The following ITGAL variants were observed in gnomAD, a reference collection of about 807,000 sequenced individuals.
ITGAL encodes the protein integrin alpha-L.
ITGAL carries 68 observed loss-of-function variants against 138.4 expected under a neutral mutation model. That is an observed-to-expected ratio of 0.49 (90% CI 0.40 to 0.60). The LOEUF is 0.60. Ranked by LOEUF, ITGAL falls within the 20% of genes least tolerant of loss-of-function variation. The pLI is 0.00. For missense variants in ITGAL, 1,256 were observed against 1,478.6 expected, an observed-to-expected ratio of 0.85 and a Z score of 2.47; for synonymous variants, 561 against 584.3, an observed-to-expected ratio of 0.96 and a Z score of 0.57.
At chr16:30,501,577 CAA>C (rs56687910) in intron 17 of ITGAL, among the ~76,000 whole-genome samples, 259 of 117,556 alleles carry the variant, frequency 2.2e-3, no homozygotes, top group African/African-American at 5.0e-3. Context: ...AACTCCATCT[CAA>C]AAAAAAAAAA....
At chr16:30,506,558 C>CAAAAAAAAAA in intron 20 of ITGAL, among the ~76,000 whole-genome samples, 157 bp from the exon 21 acceptor site, 1 of 47,912 alleles carries the variant, frequency 2.1e-5, no homozygotes, top group Non-Finnish European at 3.5e-5. Flanking sequence ...GACTCCATCT[C>CAAAAAAAAAA]AAAAAAAAAA....
chr16:30,511,221 C>G, intron 24 of ITGAL, 85 bp downstream of exon 24: 1 of 974,762 alleles, frequency 1.0e-6, no homozygotes, highest in Non-Finnish European at 1.7e-6. Context: ...CTGGGGCTCT[C>G]CTTCTGAACC....
chr16:30,500,549 T>C (rs2050879638), intron 17 of ITGAL, among the ~76,000 whole-genome samples: 1 of 151,934 alleles, frequency 6.6e-6, no homozygotes, highest in South Asian at 2.1e-4. Context: ...TTTAATTTTT[T>C]ATTAAAAAAA....
intron 11 of ITGAL, among the ~76,000 whole-genome samples, chr16:30,493,823 C>T (rs1402276563): frequency 1.3e-5 from 2 of 152,100 alleles, no homozygotes; most frequent in East Asian, 1.9e-4. Flanking sequence ...ACCCGGGAGG[C>T]GGAGGTTGCA....
intron 18 of ITGAL, chr16:30,505,019 A>T (rs567096581): frequency 5.8e-5 from 4 of 69,206 alleles, no homozygotes; most frequent in Non-Finnish European, 5.8e-5. Flanking sequence ...AGACAGTCTT[A>T]AAAAAAAAAA....
In ITGAL at chr16:30,519,968, G is replaced by A; in HGVS notation, c.3339+1G>A. ...GCTCATTTTCATAGTGCTGTACAAG[G>A]TGGGTGCCTCCGGGGGTCACAGGCA... On this transcript the variant is annotated splice_donor_variant, in intron 30 of 30. Transcript: ENST00000356798. LOFTEE classifies it high-confidence loss of function. 1 of 1,606,606 alleles carries A rather than the reference G, an allele frequency of 6.2e-7. No individual in the cohort carries two copies. Among genetic ancestry groups the A allele is most frequent in the Non-Finnish European group, 8.5e-7 (1 of 1,176,350 alleles).
chr16:30,516,951 C>T, intron 25 of ITGAL, 22 bp from the exon 26 acceptor site: 1 of 1,544,864 alleles, frequency 6.5e-7, no homozygotes, highest in Non-Finnish European at 9.0e-7. Context: ...CAGGGCTCTG[C>T]ATCCCTTGTC....
chr16:30,486,900 G>C (rs2050655147), intron 9 of ITGAL, among the ~76,000 whole-genome samples: 1 of 150,760 alleles, frequency 6.6e-6, no homozygotes, highest in African/African-American at 2.4e-5. Flanking sequence ...GGCTCAAGCA[G>C]TCCTCCCACC....
At chr16:30,473,815 G>A (rs1185483353) in intron 1 of ITGAL, 3 of 416,378 alleles carry the variant, frequency 7.2e-6, no homozygotes, top group Admixed American at 5.6e-5. Context: ...CCCCATGACC[G>A]CAGGAGAAGT....
Position 30,521,629 on chromosome 16 carries a change from T to C in ITGAL, c.3477T>C (p.His1159=), listed in dbSNP as rs2151211492. 6.2e-7 allele frequency: 1 copy of C among 1,614,082 alleles called. No individual in the cohort carries two copies. ...ATCCCGGCTGCCTGAAGCCCCTCCA[T>C]GAGAAGGACTCTGAGAGTGGTGGTG... ...AGDPGCLKPL[H]EKDSESGGGK... The change falls in exon 31 of 31, where the codon CAT becomes CAC. Residue 1159 remains histidine, a synonymous_variant. Coordinates refer to ENST00000356798, the MANE Select transcript of ITGAL (RefSeq NM_002209.3).
chr16:30,513,339 G>A lies in ITGAL; in HGVS notation c.2787-432G>A, dbSNP rs375028210. On this transcript the variant is annotated intron_variant, in intron 24 of 30. Transcript: ENST00000356798. ...GCTTTGGACCTGACCCTCCCTCGCA[G>A]TAGGGGGCCGTTGGCCAATGCTGAG... Among the ~76,000 whole-genome samples, 91 of 152,338 alleles carry A rather than the reference G, an allele frequency of 6.0e-4. 5 individuals are homozygous for A. In the East Asian group the frequency reaches 0.012, roughly 20 times the overall value.
At chr16:30,481,301 G>C (rs1206085289) in intron 6 of ITGAL, 138 bp from the exon 7 acceptor site, 2 of 661,384 alleles carry the variant, frequency 3.0e-6, no homozygotes, top group Non-Finnish European at 4.9e-6. Flanking sequence ...AGCCAAGATT[G>C]TGCCAGTGCA....
Position 30,496,235 on chromosome 16 carries a change from C to G in ITGAL, c.1642C>G (p.Gln548Glu), listed in dbSNP as rs762192654. 14 of 1,608,580 alleles carry G rather than the reference C, an allele frequency of 8.7e-6. No homozygotes were observed. In the East Asian group the frequency reaches 1.1e-4, roughly 13 times the overall value. The part of the protein sequence containing the change: ...DVAVGAPLEE[Q>E]GAVYIFNGRH... ...GGCTGTGGGGGCCCCTCTGGAGGAG[C>G]AGGGGGCTGTGTACATCTTCAATGG... The change falls in exon 14 of 31, where the codon CAG (glutamine) becomes GAG (glutamate). Residue 548 changes from glutamine to glutamate, a missense_variant. Around this residue, in one of 3 missense-constraint regions of ITGAL, gnomAD observed 867 missense variants for 972.5 expected, o/e 0.89. Transcript: ENST00000356798.
rs1184486855 is a variant in ITGAL, at chr16:30,499,594, T to C, written c.2145+105T>C. 3.7e-6 allele frequency: 4 copies of C among 1,087,886 alleles called. No homozygotes were observed. The African/African-American group carries it at 4.6e-5, about 13-fold the overall frequency. 67.4% of individuals were successfully genotyped at this position (1,087,886 alleles called of 1,614,324 possible). On this transcript the variant is annotated intron_variant, in intron 17 of 30. Transcript: ENST00000356798. ...ACGTCACTTCCATCCCTCTGTGCTG[T>C]CACTTCCTCTCCTGTGCAATGGTAG... is the stretch of plus-strand genomic sequence containing the variant.
At chr16:30,520,486 C>T (rs143168854) in intron 30 of ITGAL, among the ~76,000 whole-genome samples, 1 of 152,268 alleles carries the variant, frequency 6.6e-6, no homozygotes, top group African/African-American at 2.4e-5. Flanking sequence ...CAGCCCATCC[C>T]TGGCAGAGCC....
In ITGAL at chr16:30,484,163, T is replaced by C. The variant is rs146419839; in HGVS notation, c.906T>C (p.Phe302=). The C allele has an allele frequency of 3.2e-5, 51 of 1,613,946 alleles. No individual in the cohort carries two copies. In the African/African-American group the frequency reaches 5.9e-4, roughly 19 times the overall value. The change falls in exon 9 of 31, where the codon TTT becomes TTC. Residue 302 remains phenylalanine (F), a synonymous_variant. Transcript: ENST00000356798. The part of the protein sequence containing the change: ...TKESQETLHK[F]ASKPASEFVK... ...AGAGTCAGGAGACCCTCCACAAATT[T>C]GCATCAAAACCCGCGAGCGAGTTTG... is the stretch of plus-strand genomic sequence containing the variant.
At position 30,506,798 on chromosome 16, in the gene ITGAL, T is replaced by C. The variant is rs1165201902; in HGVS notation, c.2450T>C (p.Val817Ala). 6.2e-7 allele frequency: 1 copy of C among 1,613,776 alleles called. No homozygotes were observed. Among genetic ancestry groups the C allele is most frequent in the Non-Finnish European group, 8.5e-7 (1 of 1,179,936 alleles). Residue 817 changes from valine (V) to alanine (A), a missense_variant, in exon 21 of 31, where the codon GTC becomes GCC. By Grantham distance (64) the Val-to-Ala change is moderately conservative. Transcript: ENST00000356798. Reference sequence around the variant, plus strand: ...AACTTGGAAGAAGATGCTTACTGGGTCCAGCTGGACCTGCACTTCCCCCCG... The same window carrying C: ...AACTTGGAAGAAGATGCTTACTGGGCCCAGCTGGACCTGCACTTCCCCCCG... ...LSNLEEDAYWVQLDLHFPPGL... is the reference protein window; with the variant it reads ...LSNLEEDAYWAQLDLHFPPGL...
intron 21 of ITGAL, among the ~76,000 whole-genome samples, chr16:30,507,759 T>C (rs1004965813): frequency 6.6e-6 from 1 of 152,118 alleles, no homozygotes; most frequent in Non-Finnish European, 1.5e-5. Context: ...AGTGCTAGGA[T>C]TACAGGTGTG....
intron 26 of ITGAL, 41 bp from the exon 27 acceptor site, chr16:30,517,608 G>A: frequency 6.4e-7 from 1 of 1,573,288 alleles, no homozygotes; most frequent in Non-Finnish European, 8.7e-7. Flanking sequence ...TCTTATCTGG[G>A]TTGGGGAGGC....
Sources: allele counts gnomAD v4.1 joint callset (sites outside exome capture counted in the v4.1 genomes callset), GRCh38; gene constraint gnomAD v4.1.1; regional missense constraint gnomAD v4.1.1; transcripts MANE v1.5; gene names NCBI Gene and HGNC (gene_info 2026-07-23, HGNC 2026-07-21).